The following LINGO2 variants were observed in gnomAD, a reference collection of about 807,000 sequenced individuals.
LINGO2 encodes leucine rich repeat and Ig domain containing 2, also known as leucine-rich repeat and immunoglobulin-like domain-containing nogo receptor-interacting protein 2.
In LINGO2, 14 loss-of-function variants were observed where a neutral mutation model predicts 30.6. The observed-to-expected ratio is 0.46, with a 90% CI of 0.30 to 0.72. The LOEUF (loss-of-function observed/expected upper bound fraction) is 0.72. Among genes scored for constraint, LINGO2 ranks in the 30% least tolerant of loss-of-function variants. The pLI is 0.07. For synonymous variants in LINGO2, 317 were observed against 288.5 expected (o/e 1.10, Z -1.00); for missense variants, 729 against 751.7 (o/e 0.97, Z 0.35).
the LINGO2 span, among the ~76,000 whole-genome samples, chr9:29,166,510 C>CA: frequency 6.6e-6 from 1 of 152,098 alleles, no homozygotes; most frequent in Non-Finnish European, 1.5e-5. Context: ...GTCTAGTCAG[C>CA]TCATCATCTT....
At chr9:28,060,988 C>A (rs1299477543) in intron 4 of LINGO2, among the ~76,000 whole-genome samples, 1 of 152,002 alleles carries the variant, frequency 6.6e-6, no homozygotes, top group African/African-American at 2.4e-5. Flanking sequence ...TTTAGAGAGG[C>A]TTTTCTTCCT....
intron 1 of LINGO2, among the ~76,000 whole-genome samples, chr9:28,539,690 A>G (rs371233217): frequency 1.1e-4 from 17 of 152,310 alleles, no homozygotes; most frequent in African/African-American, 3.8e-4. Flanking sequence ...TGCTTATTTA[A>G]TAATGGCATG....
At chr9:28,787,001 G>A in the LINGO2 span, among the ~76,000 whole-genome samples, 1 of 152,080 alleles carries the variant, frequency 6.6e-6, no homozygotes, top group East Asian at 1.9e-4. Flanking sequence ...AAATCAGTAA[G>A]CAAAAACATC....
chr9:29,071,703 A>C, the LINGO2 span, among the ~76,000 whole-genome samples: 1 of 151,732 alleles, frequency 6.6e-6, no homozygotes. Context: ...TTTGCAAAGG[A>C]GGTTTTTCAA....
chr9:29,030,823 C>G, the LINGO2 span, among the ~76,000 whole-genome samples: 2 of 152,026 alleles, frequency 1.3e-5, no homozygotes, highest in East Asian at 3.9e-4. Flanking sequence ...ATTTGTCCAC[C>G]AAATTTACAA....
intron 4 of LINGO2, among the ~76,000 whole-genome samples, chr9:28,038,965 T>C (rs543691637): frequency 3.2e-4 from 49 of 152,310 alleles, no homozygotes; most frequent in African/African-American, 1.2e-3. Context: ...TGAATTTCCT[T>C]CTCTAGGTCT....
intron 4 of LINGO2, among the ~76,000 whole-genome samples, chr9:28,101,859 C>G (rs936867347): frequency 6.6e-6 from 1 of 152,096 alleles, no homozygotes; most frequent in Admixed American, 6.6e-5. Context: ...TATGAAAAGT[C>G]GGGAAGTCAA....
chr9:28,425,930 T>C (rs1823392353), intron 2 of LINGO2, among the ~76,000 whole-genome samples: 1 of 152,002 alleles, frequency 6.6e-6, no homozygotes, highest in Admixed American at 6.6e-5. Flanking sequence ...GAAATGCCTA[T>C]TCAGCTTGCT....
the LINGO2 span, among the ~76,000 whole-genome samples, chr9:28,747,440 C>A: frequency 6.6e-6 from 1 of 152,076 alleles, no homozygotes; most frequent in Non-Finnish European, 1.5e-5. Flanking sequence ...TGGACAAAGA[C>A]CTGGGTACCA....
the LINGO2 span, among the ~76,000 whole-genome samples, chr9:28,839,714 G>C: frequency 6.6e-6 from 1 of 152,164 alleles, no homozygotes; most frequent in South Asian, 2.1e-4. Context: ...GTTGGATAAA[G>C]TACCATAAGT....
At chr9:28,791,206 A>C in the LINGO2 span, among the ~76,000 whole-genome samples, 1 of 152,076 alleles carries the variant, frequency 6.6e-6, no homozygotes, top group Non-Finnish European at 1.5e-5. Flanking sequence ...AATTCCTATG[A>C]ATGTAGTAAT....
chr9:28,737,498 AT>A, the LINGO2 span, among the ~76,000 whole-genome samples: 2 of 152,178 alleles, frequency 1.3e-5, no homozygotes, highest in East Asian at 3.9e-4. Context: ...TGTGATCCCC[AT>A]TTTACAGATG....
the LINGO2 span, among the ~76,000 whole-genome samples, chr9:29,154,575 T>C: frequency 6.6e-6 from 1 of 151,902 alleles, no homozygotes; most frequent in Non-Finnish European, 1.5e-5. Context: ...TAAAATAAAC[T>C]CTGGTTAGTA....
chr9:28,728,279 T>C, the LINGO2 span, among the ~76,000 whole-genome samples: 1 of 152,000 alleles, frequency 6.6e-6, no homozygotes, highest in African/African-American at 2.4e-5. Flanking sequence ...AGACAGAAGA[T>C]GATATGGAAA....
At chr9:28,772,369 G>A in the LINGO2 span, among the ~76,000 whole-genome samples, 1 of 152,120 alleles carries the variant, frequency 6.6e-6, no homozygotes, top group Non-Finnish European at 1.5e-5. Context: ...TTTACTATTA[G>A]TAACATCCTT....
intron 1 of LINGO2, among the ~76,000 whole-genome samples, chr9:28,573,596 G>A (rs768182192): frequency 6.6e-6 from 1 of 152,110 alleles, no homozygotes; most frequent in Non-Finnish European, 1.5e-5. Flanking sequence ...AAATGTCATA[G>A]GCCTTATACT....
intron 1 of LINGO2, among the ~76,000 whole-genome samples, chr9:28,532,749 C>T (rs1343442470): frequency 6.6e-6 from 1 of 152,054 alleles, no homozygotes. Flanking sequence ...TAGTATGCTT[C>T]TGATTGTGGA....
chr9:29,036,199 C>T, the LINGO2 span, among the ~76,000 whole-genome samples: 1 of 152,056 alleles, frequency 6.6e-6, no homozygotes, highest in Non-Finnish European at 1.5e-5. Flanking sequence ...CTGTTCAAGG[C>T]ATTTGCACGT....
At chr9:28,701,560 A>G in the LINGO2 span, among the ~76,000 whole-genome samples, 2 of 152,016 alleles carry the variant, frequency 1.3e-5, no homozygotes, top group Non-Finnish European at 2.9e-5. Flanking sequence ...TATATTTAAC[A>G]CAAATTGGTT....
Sources: gnomAD v4.1 joint callset for allele counts (sites outside exome capture counted in the v4.1 genomes callset) on GRCh38, gnomAD v4.1.1 for gene constraint, MANE v1.5 for transcripts, NCBI Gene and HGNC (gene_info 2026-07-23, HGNC 2026-07-21) for gene names.